Variants in TAF6 observed in about 807,000 individuals in gnomAD.
TAF6 encodes the protein TATA-box binding protein associated factor 6.
TAF6 carries 50 observed loss-of-function variants against 73.5 expected under a neutral mutation model. The ratio of observed to expected loss-of-function variants is 0.68; its 90% CI spans 0.54 to 0.86. The LOEUF (loss-of-function observed/expected upper bound fraction) is 0.86, where lower values mean the gene tolerates loss of function less well. Ranked by LOEUF, TAF6 falls within the 40% of genes least tolerant of loss-of-function variation. The pLI is 0.00. For synonymous variants in TAF6, 424 were observed against 376.7 expected (o/e 1.13, Z -1.45); for missense variants, 768 against 899.5 (o/e 0.85, Z 1.87).
Position 100,114,200 on chromosome 7 carries a change from C to T in TAF6, c.10G>A (p.Glu4Lys). 6.2e-7 allele frequency: 1 copy of T among 1,614,216 alleles called. No homozygotes were observed. The highest frequency in any genetic ancestry group is 8.5e-7 in the Non-Finnish European group (1 of 1,180,040). ...GTGTTGCTAAGCTTCAGCTTCTTCT[C>T]CTCAGCCATTCTGGAGTCCCTCTTC... MAE[E>K]KKLKLSNTVL... is the part of the protein sequence containing the mutation. The change falls in exon 2 of 15, where the codon GAG (glutamate) becomes AAG (lysine). Residue 4 changes from glutamate (E) to lysine (K), a missense_variant. This residue lies in a region of TAF6 where 269 missense variants were observed against 268.0 expected (regional missense o/e 1.00). Transcript: ENST00000453269.
chr7:100,122,988 GATGTC>G, upstream of TAF6: 8 of 1,450,608 alleles, frequency 5.5e-6, no homozygotes, highest in Non-Finnish European at 6.5e-6. Context: ...GACTATAGGG[GATGTC>G]TACCCCTAAG....
upstream of TAF6, chr7:100,122,863 T>C (rs1233007187): frequency 1.9e-6 from 3 of 1,613,690 alleles, no homozygotes; most frequent in Non-Finnish European, 2.5e-6. Flanking sequence ...CCTCTGGAGC[T>C]TTGGGATGAG....
chr7:100,108,704 A>C (rs1211246903), intron 12 of TAF6, 164 bp from the exon 13 acceptor site: 3 of 685,470 alleles, frequency 4.4e-6, no homozygotes, highest in African/African-American at 3.6e-5. Context: ...CTGAACTATT[A>C]GTGTGTGTAC....
upstream of TAF6, chr7:100,119,706 T>G (rs1797966369): frequency 1.9e-6 from 3 of 1,613,912 alleles, no homozygotes; most frequent in Non-Finnish European, 2.5e-6. Flanking sequence ...TTCCCGAAGT[T>G]GAAGGCAAGC....
At chr7:100,126,572 A>G in the TAF6 span, 1 of 152,292 alleles carries the variant, frequency 6.6e-6, no homozygotes, top group Non-Finnish European at 1.5e-5. Flanking sequence ...AGACTGGAGG[A>G]TCGCTGGAGC....
At chr7:100,108,626 A>G in intron 12 of TAF6, 86 bp from the exon 13 acceptor site, 2 of 1,446,376 alleles carry the variant, frequency 1.4e-6, no homozygotes, top group Non-Finnish European at 1.9e-6. Flanking sequence ...CTTGAGAAGA[A>G]CCTTGGGGAT....
At chr7:100,120,898 G>C (rs990020656), upstream of TAF6, among the ~76,000 whole-genome samples, 2 of 151,946 alleles carry the variant, frequency 1.3e-5, no homozygotes, top group Admixed American at 6.6e-5. Flanking sequence ...GAGACCTGTA[G>C]ATAGAGATAA....
chr7:100,122,873 G>C (rs759077384), upstream of TAF6: 4 of 1,613,694 alleles, frequency 2.5e-6, no homozygotes, highest in South Asian at 3.3e-5. Context: ...TTTGGGATGA[G>C]CCCAGCGTGG....
At chr7:100,121,394 C>A (rs1010346600), upstream of TAF6, 2 of 151,556 alleles carry the variant, frequency 1.3e-5, no homozygotes, top group African/African-American at 2.4e-5. Flanking sequence ...ACCTCAGCCT[C>A]CCAAAGTGTT....
At chr7:100,111,023 T>C in intron 10 of TAF6, 116 bp downstream of exon 10, 1 of 1,224,912 alleles carries the variant, frequency 8.2e-7, no homozygotes, top group Non-Finnish European at 1.1e-6. Context: ...TCAAGACCCT[T>C]AGACCCCCAC....
At position 100,107,525 on chromosome 7, in the gene TAF6, G is replaced by A. The variant is rs142395940; in HGVS notation, c.1755C>T (p.Val585=). The A allele has an allele frequency of 6.7e-5, 108 of 1,613,896 alleles. No homozygotes were observed. Among genetic ancestry groups the A allele is most frequent in the Non-Finnish European group, 9.1e-5 (107 of 1,179,996 alleles). ...VPSVQPIVKL[V]STATTAPPST... ...TGGGGGGTGCGGTGGTGGCGGTGGAGACCAACTTGACGATGGGCTGCACGC... is the reference window on the plus strand; with the variant it reads ...TGGGGGGTGCGGTGGTGGCGGTGGAAACCAACTTGACGATGGGCTGCACGC... Residue 585 remains valine, a synonymous_variant, in exon 15 of 15, where the codon GTC becomes GTT. Coordinates refer to ENST00000453269, the MANE Select transcript of TAF6 (RefSeq NM_139315.3).
At chr7:100,110,817 A>T (rs1326398441) in intron 10 of TAF6, among the ~76,000 whole-genome samples, 2 of 151,996 alleles carry the variant, frequency 1.3e-5, no homozygotes, top group Non-Finnish European at 2.9e-5. Context: ...ATCTCAAAAA[A>T]ACAAAAACAA....
Position 100,107,607 on chromosome 7 carries a change from G to A in TAF6, c.1673C>T (p.Thr558Ile), listed in dbSNP as rs1796669306. ...PSTQQVLSLSTSAPGSGSTTT... is the reference protein window; with the variant it reads ...PSTQQVLSLSISAPGSGSTTT... ...GGTGGAACCTGAGCCGGGGGCCGAG[G>A]TGCTGAGGGACAGGACCTGGATAGA... The change falls in exon 15 of 15, where the codon ACC becomes ATC. Residue 558 changes from threonine (T) to isoleucine (I), a missense_variant. By Grantham distance (89) the Thr-to-Ile change is moderately conservative. Coordinates refer to ENST00000453269, the MANE Select transcript of TAF6 (RefSeq NM_139315.3). 6.2e-7 allele frequency: 1 copy of A among 1,613,118 alleles called. No individual in the cohort carries two copies. Among genetic ancestry groups the A allele is most frequent in the Non-Finnish European group, 8.5e-7 (1 of 1,179,772 alleles).
upstream of TAF6, chr7:100,122,085 C>A: frequency 1.3e-5 from 8 of 615,290 alleles, no homozygotes; most frequent in Non-Finnish European, 1.6e-5. Context: ...AACCGAGGCA[C>A]AGCAAGCAGG....
chr7:100,124,637 C>T (rs376839210), upstream of TAF6: 9 of 1,611,988 alleles, frequency 5.6e-6, no homozygotes, highest in South Asian at 1.1e-5. Flanking sequence ...AACTGGTAAG[C>T]GTAAGGGTTG....
chr7:100,125,167 TTAAC>T, the TAF6 span: 2 of 367,830 alleles, frequency 5.4e-6, no homozygotes, highest in African/African-American at 4.2e-5. Flanking sequence ...GCTTTCCTCT[TTAAC>T]TGATCCCACC....
At chr7:100,121,759 T>A (rs1798073660), upstream of TAF6, among the ~76,000 whole-genome samples, 1 of 150,972 alleles carries the variant, frequency 6.6e-6, no homozygotes, top group African/African-American at 2.4e-5. Flanking sequence ...ATTATAAAGA[T>A]GAAGAAACCG....
upstream of TAF6, chr7:100,122,396 C>T (rs200363497): frequency 5.0e-6 from 8 of 1,614,068 alleles, no homozygotes; most frequent in East Asian, 1.3e-4. Flanking sequence ...GTGAGTCCTT[C>T]GTGCTCCTCC....
chr7:100,118,198 C>T (rs1797840099), intron 1 of TAF6, among the ~76,000 whole-genome samples: 1 of 151,730 alleles, frequency 6.6e-6, no homozygotes, highest in Non-Finnish European at 1.5e-5. Flanking sequence ...TGTAAAAACA[C>T]AAAAATTAAC....
Sources: allele counts gnomAD v4.1 joint callset (sites outside exome capture counted in the v4.1 genomes callset), GRCh38; gene constraint gnomAD v4.1.1; regional missense constraint gnomAD v4.1.1; transcripts MANE v1.5; gene names NCBI Gene and HGNC (gene_info 2026-07-23, HGNC 2026-07-21).